Variants in SAMSN1 observed in about 807,000 individuals in gnomAD.
SAMSN1 encodes the protein SAM domain, SH3 domain and nuclear localization signals 1.
In SAMSN1, 31 loss-of-function variants were observed where a neutral mutation model predicts 42.0. The observed-to-expected ratio is 0.74, with a 90% confidence interval of 0.55 to 1.00. The LOEUF (loss-of-function observed/expected upper bound fraction) is 1.00, where lower values mean the gene tolerates loss of function less well. Among genes scored for constraint, SAMSN1 ranks in the 50% least tolerant of loss-of-function variants. SAMSN1 has a pLI of 0.00. For missense variants in SAMSN1, 464 were observed against 439.4 expected (o/e 1.06, Z -0.50); for synonymous variants, 178 against 151.9 (o/e 1.17, Z -1.26).
At chr21:14,574,755 A>T (rs190637508) in intron 2 of SAMSN1, among the ~76,000 whole-genome samples, 1 of 152,254 alleles carries the variant, frequency 6.6e-6, no homozygotes, top group Non-Finnish European at 1.5e-5. Context: ...TTATTGGAAA[A>T]GACACTTAAA....
At chr21:14,496,919 G>C (rs892930746) in intron 7 of SAMSN1, among the ~76,000 whole-genome samples, 6 of 152,190 alleles carry the variant, frequency 3.9e-5, no homozygotes, top group Admixed American at 1.3e-4. Context: ...TAAAAAGCCA[G>C]TGTATAGGAA....
At chr21:14,543,466 A>G (rs1170408294) in intron 1 of SAMSN1, among the ~76,000 whole-genome samples, 1 of 152,166 alleles carries the variant, frequency 6.6e-6, no homozygotes, top group African/African-American at 2.4e-5. Flanking sequence ...AAAATAATGA[A>G]TTATTTTTGA....
intron 1 of SAMSN1, chr21:14,582,549 T>C: frequency 1.6e-6 from 1 of 639,042 alleles, no homozygotes; most frequent in South Asian, 2.3e-5. Flanking sequence ...TAGGAATTAT[T>C]CTTCCATTTA....
At position 14,653,845 on chromosome 21, in the gene SAMSN1, A is replaced by G. The variant is rs527961898; in HGVS notation, c.24+4903T>C. On this transcript the variant is annotated intron_variant, in intron 1 of 15. Transcript: ENST00000647101. ...AAAGCATCAAGGGCAAATGATACAC[A>G]TTGCAACACACACACACACACACAG... Among the ~76,000 whole-genome samples, 207 of 83,792 alleles carry G rather than the reference A, an allele frequency of 2.5e-3. 1 individual carries two copies. The Middle Eastern group carries it at 0.085, about 34-fold the overall frequency. The allele number at this position is 83,792 out of a possible 152,430, so 55.0% of individuals were successfully genotyped here. A position where few individuals can be genotyped will look rare whatever the true frequency, so the allele number is the denominator to read the frequency against.
chr21:14,518,722 G>T (rs1003702749), intron 2 of SAMSN1, among the ~76,000 whole-genome samples: 1 of 152,046 alleles, frequency 6.6e-6, no homozygotes, highest in African/African-American at 2.4e-5. Flanking sequence ...AAATATGAAT[G>T]GACAGCCAAT....
chr21:14,638,768 T>C (rs59115274), intron 2 of SAMSN1, among the ~76,000 whole-genome samples: 4,171 of 152,262 alleles, frequency 0.027, 183 homozygotes, highest in African/African-American at 0.092. Context: ...TTATTCACCT[T>C]GTTCTACAGT....
In SAMSN1 at chr21:14,538,606, T is replaced by G. The variant is rs78602142; in HGVS notation, c.57+7599A>C. Among the ~76,000 whole-genome samples the G allele has an allele frequency of 1.5e-3, 222 of 152,256 alleles. 2 individuals carry two copies. In the East Asian group the frequency reaches 0.037, roughly 25 times the overall value. On this transcript the variant is annotated intron_variant, in intron 1 of 7. Transcript: ENST00000400566. Reference sequence around the variant, plus strand: ...AAGAGTTAAAAATGTATCCTAGCAGTCTTGATACAAAAAAACAGTGAAGAA... The same window carrying G: ...AAGAGTTAAAAATGTATCCTAGCAGGCTTGATACAAAAAAACAGTGAAGAA...
chr21:14,590,522 A>C (rs182666939), intron 7 of SAMSN1, among the ~76,000 whole-genome samples: 9 of 152,142 alleles, frequency 5.9e-5, no homozygotes, highest in Admixed American at 2.0e-4. Flanking sequence ...GCTTTAACCA[A>C]TCCTCCTGCT....
chr21:14,525,285 C>A (rs1415856758), intron 1 of SAMSN1, among the ~76,000 whole-genome samples: 1 of 152,000 alleles, frequency 6.6e-6, no homozygotes, highest in African/African-American at 2.4e-5. Flanking sequence ...AGCAAGAAAG[C>A]AATCACACCA....
At position 14,494,374 on chromosome 21, in the gene SAMSN1, G is replaced by A. The variant is rs538116786; in HGVS notation, c.919+4068C>T. On this transcript the variant is annotated intron_variant, in intron 7 of 7. Transcript: ENST00000400566. ...GCACATATACACCATGGAATACTAC[G>A]CAGCCATAAAAAAGGATGAGTTTAT... Among the ~76,000 whole-genome samples the A allele has an allele frequency of 5.4e-3, 829 of 152,190 alleles. 7 individuals carry two copies. The highest frequency in any genetic ancestry group is 0.018 in the African/African-American group (748 of 41,524).
intron 7 of SAMSN1, among the ~76,000 whole-genome samples, chr21:14,487,285 T>C (rs1474425906): frequency 1.3e-5 from 2 of 152,160 alleles, no homozygotes; most frequent in Non-Finnish European, 2.9e-5. Flanking sequence ...TTTTCTTCAA[T>C]AGGCTATTAT....
intron 5 of SAMSN1, among the ~76,000 whole-genome samples, chr21:14,608,651 T>C (rs1174320008): frequency 6.6e-6 from 1 of 152,084 alleles, no homozygotes; most frequent in Non-Finnish European, 1.5e-5. Context: ...CAGCACAGCT[T>C]GCAGCCTCGG....
At chr21:14,603,431 C>CA (rs770956477) in intron 5 of SAMSN1, among the ~76,000 whole-genome samples, 5 of 152,096 alleles carry the variant, frequency 3.3e-5, no homozygotes, top group African/African-American at 4.8e-5. Flanking sequence ...CACTATGACT[C>CA]AGAGAACTTG....
chr21:14,638,060 T>C (rs1364311404), intron 2 of SAMSN1, among the ~76,000 whole-genome samples: 1 of 152,128 alleles, frequency 6.6e-6, no homozygotes, highest in African/African-American at 2.4e-5. Context: ...TTCTGGTGTG[T>C]CTTTCTCTTT....
In SAMSN1 at chr21:14,627,251, A is replaced by G. The variant is rs576735763; in HGVS notation, c.157-11235T>C. Among the ~76,000 whole-genome samples, 53 of 143,684 alleles carry G rather than the reference A, an allele frequency of 3.7e-4. 1 individual carries two copies. In the South Asian group the frequency reaches 7.8e-3, roughly 21 times the overall value. 94.3% of individuals were successfully genotyped at this position (143,684 alleles called of 152,430 possible). ...TGTAACAAACCTGCACGTTGTGCACATGTACCCTAGAACTTAAAGTATAAT... is the reference window on the plus strand; with the variant it reads ...TGTAACAAACCTGCACGTTGTGCACGTGTACCCTAGAACTTAAAGTATAAT... On this transcript the variant is annotated intron_variant, in intron 2 of 15. Coordinates refer to the SAMSN1 transcript ENST00000647101.
At chr21:14,596,916 G>C (rs1483639945) in intron 6 of SAMSN1, among the ~76,000 whole-genome samples, 1 of 152,014 alleles carries the variant, frequency 6.6e-6, no homozygotes, top group African/African-American at 2.4e-5. Context: ...AATTTTTTTT[G>C]TTTGTTTTAA....
At chr21:14,617,613 T>C (rs1982875584) in intron 2 of SAMSN1, among the ~76,000 whole-genome samples, 1 of 152,216 alleles carries the variant, frequency 6.6e-6, no homozygotes, top group African/African-American at 2.4e-5. Flanking sequence ...TAGTTTGTCG[T>C]ATGGGTTTAG....
chr21:14,498,374 T>C lies in SAMSN1; in HGVS notation c.919+68A>G, dbSNP rs192009129. On this transcript the variant is annotated intron_variant, in intron 7 of 7. Transcript: ENST00000400566. ...CAGTAAATAAAACTGGGGCTTTGTT[T>C]CTAATGATTATACTATTTACATTAA... 4.9e-3 allele frequency: 6,618 copies of C among 1,350,910 alleles called. 31 individuals are homozygous for C. The highest frequency in any genetic ancestry group is 9.9e-3 in the Middle Eastern group (52 of 5,232). 83.7% of individuals were successfully genotyped at this position (1,350,910 alleles called of 1,614,324 possible).
intron 5 of SAMSN1, among the ~76,000 whole-genome samples, chr21:14,507,751 G>C (rs1003586899): frequency 1.3e-5 from 2 of 151,572 alleles, no homozygotes; most frequent in Non-Finnish European, 2.9e-5. Flanking sequence ...AAGCAAACTT[G>C]AGCAAAAAGA....
Sources: gnomAD v4.1 joint callset for allele counts (sites outside exome capture counted in the v4.1 genomes callset) on GRCh38, gnomAD v4.1.1 for gene constraint, MANE v1.5 for transcripts, NCBI Gene and HGNC (gene_info 2026-07-23, HGNC 2026-07-21) for gene names.